Variants in FRMD4B observed in about 807,000 individuals in gnomAD.
FRMD4B encodes the protein FERM domain-containing protein 4B.
In FRMD4B, 74 loss-of-function variants were observed where a neutral mutation model predicts 141.5. That is an observed-to-expected ratio of 0.52 (90% CI 0.43 to 0.63). The LOEUF (loss-of-function observed/expected upper bound fraction) is 0.63. FRMD4B is among the 30% of genes least tolerant of loss of function. FRMD4B has a pLI of 0.00. For synonymous variants in FRMD4B, 506 were observed against 467.9 expected (o/e 1.08, Z -1.05); for missense variants, 1,366 against 1,253.4 (o/e 1.09, Z -1.36).
intron 7 of FRMD4B, among the ~76,000 whole-genome samples, chr3:69,236,013 T>C (rs1036117933): frequency 2.0e-5 from 3 of 152,162 alleles, no homozygotes; most frequent in Non-Finnish European, 2.9e-5. Context: ...CACCAAAATA[T>C]GTATTGCTTA....
intron 4 of FRMD4B, chr3:69,293,110 T>C: frequency 2.5e-6 from 1 of 407,150 alleles, no homozygotes; most frequent in Non-Finnish European, 4.9e-6. Context: ...GACAGAACAT[T>C]ACACCACTGT....
At chr3:69,398,637 G>T (rs1230019832) in intron 2 of FRMD4B, among the ~76,000 whole-genome samples, 1 of 152,198 alleles carries the variant, frequency 6.6e-6, no homozygotes, top group Non-Finnish European at 1.5e-5. Flanking sequence ...TTCCAGGGCT[G>T]CCATGTAAGA....
intron 2 of FRMD4B, among the ~76,000 whole-genome samples, chr3:69,425,601 G>T (rs1395858174): frequency 6.6e-6 from 1 of 152,182 alleles, no homozygotes. Flanking sequence ...GATGGCTTCA[G>T]CTGAAACATA....
intron 2 of FRMD4B, among the ~76,000 whole-genome samples, chr3:69,396,030 G>T (rs1401811439): frequency 6.6e-6 from 1 of 152,134 alleles, no homozygotes; most frequent in Non-Finnish European, 1.5e-5. Flanking sequence ...TTTATTCTTT[G>T]TATGTTTATA....
intron 3 of FRMD4B, among the ~76,000 whole-genome samples, chr3:69,304,200 GCA>G (rs1701313460): frequency 6.6e-6 from 1 of 151,322 alleles, no homozygotes; most frequent in South Asian, 2.1e-4. Context: ...AAAAGGCCGG[GCA>G]CAGTGGCTCA....
At chr3:69,339,492 C>T (rs146849127) in intron 1 of FRMD4B, among the ~76,000 whole-genome samples, 2 of 152,230 alleles carry the variant, frequency 1.3e-5, no homozygotes, top group Admixed American at 6.5e-5. Flanking sequence ...CAGGAGAATT[C>T]GTGGAAAGCA....
At chr3:69,533,652 T>TG (rs1701037549) in intron 1 of FRMD4B, among the ~76,000 whole-genome samples, 1 of 152,182 alleles carries the variant, frequency 6.6e-6, no homozygotes, top group Non-Finnish European at 1.5e-5. Flanking sequence ...AATCTCCACT[T>TG]TGGCCTTTTT....
At chr3:69,461,856 C>T (rs1031098444) in intron 1 of FRMD4B, among the ~76,000 whole-genome samples, 1 of 152,144 alleles carries the variant, frequency 6.6e-6, no homozygotes, top group African/African-American at 2.4e-5. Context: ...CAGAGTGCCA[C>T]TTTCCCTCTC....
intron 5 of FRMD4B, 97 bp downstream of exon 5, chr3:69,287,655 T>A: frequency 1.5e-6 from 1 of 688,744 alleles, no homozygotes; most frequent in Non-Finnish European, 2.6e-6. Context: ...TTTTTTTTTT[T>A]CTTAGTTTGA....
At chr3:69,407,922 T>TG (rs900640435) in intron 2 of FRMD4B, among the ~76,000 whole-genome samples, 60 of 152,138 alleles carry the variant, frequency 3.9e-4, no homozygotes, top group African/African-American at 1.4e-3. Flanking sequence ...CCTGGCCATG[T>TG]GGGGGAAAAA....
intron 1 of FRMD4B, among the ~76,000 whole-genome samples, chr3:69,502,257 C>G (rs575119355): frequency 2.6e-5 from 4 of 152,308 alleles, no homozygotes; most frequent in African/African-American, 9.6e-5. Context: ...AAGCTGGAGG[C>G]ATCACACTAC....
chr3:69,456,051 A>G (rs1158924), intron 1 of FRMD4B, among the ~76,000 whole-genome samples: 38,968 of 152,122 alleles, frequency 0.26, 5,632 homozygotes, highest in East Asian at 0.45. Flanking sequence ...TGGTGAAGGC[A>G]GTTAATAACT....
At chr3:69,294,285 T>A (rs1477033127) in intron 4 of FRMD4B, among the ~76,000 whole-genome samples, 1 of 152,218 alleles carries the variant, frequency 6.6e-6, no homozygotes, top group Non-Finnish European at 1.5e-5. Flanking sequence ...ATCCACATTC[T>A]GAGCGGGGAG....
chr3:69,196,183 C>T (rs1366784890), intron 14 of FRMD4B, 72 bp downstream of exon 14: 18 of 1,137,844 alleles, frequency 1.6e-5, no homozygotes, highest in Middle Eastern at 2.0e-4. Flanking sequence ...AGATGAATTT[C>T]GAAGTGGTTT....
intron 22 of FRMD4B, among the ~76,000 whole-genome samples, chr3:69,174,659 T>C (rs1368140612): frequency 6.6e-6 from 1 of 152,182 alleles, no homozygotes; most frequent in Non-Finnish European, 1.5e-5. Flanking sequence ...GGCTGTCTGA[T>C]ATATATGAGC....
At chr3:69,470,701 C>T (rs1705872087) in intron 1 of FRMD4B, among the ~76,000 whole-genome samples, 1 of 152,124 alleles carries the variant, frequency 6.6e-6, no homozygotes, top group Non-Finnish European at 1.5e-5. Flanking sequence ...CTACAGCAAG[C>T]AGTTTCAGTA....
chr3:69,189,243 A>G (rs1481873144), intron 18 of FRMD4B, among the ~76,000 whole-genome samples: 5 of 151,066 alleles, frequency 3.3e-5, no homozygotes, highest in Non-Finnish European at 7.4e-5. Flanking sequence ...AAAAAAAAAA[A>G]AAAGAGAGAG....
chr3:69,210,631 T>C (rs943810463), intron 11 of FRMD4B, among the ~76,000 whole-genome samples: 7 of 152,324 alleles, frequency 4.6e-5, no homozygotes, highest in Non-Finnish European at 1.0e-4. Context: ...ATTAAAAATT[T>C]TTCCTTTAAT....
chr3:69,361,611 A>G (rs1703473181), intron 1 of FRMD4B, among the ~76,000 whole-genome samples: 1 of 152,178 alleles, frequency 6.6e-6, no homozygotes, highest in Admixed American at 6.5e-5. Flanking sequence ...TGTATTTTTT[A>G]ATACCTGGCT....
Sources: allele counts gnomAD v4.1 joint callset (sites outside exome capture counted in the v4.1 genomes callset), GRCh38; gene constraint gnomAD v4.1.1; transcripts MANE v1.5; gene names NCBI Gene and HGNC (gene_info 2026-07-23, HGNC 2026-07-21).